JMJD1C: variants seen among roughly 807,000 people sequenced by gnomAD.
The protein encoded by JMJD1C is jumonji domain-containing protein 1C.
JMJD1C carries 31 observed loss-of-function variants against 245.3 expected under a neutral mutation model. The ratio of observed to expected loss-of-function variants is 0.13; its 90% confidence interval spans 0.09 to 0.17. The LOEUF is 0.17. JMJD1C is among the 10% of genes least tolerant of loss of function. JMJD1C has a pLI of 1.00. For synonymous variants in JMJD1C, 1,057 were observed against 1,017.4 expected, an observed-to-expected ratio of 1.04 and a Z score of -0.74; for missense variants, 2,691 against 3,000.2, an observed-to-expected ratio of 0.90 and a Z score of 2.41.
intron 1 of JMJD1C, among the ~76,000 whole-genome samples, chr10:63,455,186 A>G (rs1952332040): frequency 6.6e-6 from 1 of 152,246 alleles, no homozygotes. Flanking sequence ...GAGATTATTC[A>G]AAATATACTT....
In JMJD1C at chr10:63,445,862, A is replaced by ATTTTT. The variant is rs56316223; in HGVS notation, c.168+19628_168+19632dup. On this transcript the variant is annotated intron_variant, in intron 1 of 25. Transcript: ENST00000399262. ...AAAAATGACATGTGCTGGGATCTGAATTTTTTTTTTTTTTTTTTTTTTTTT... is the reference window on the plus strand; with the variant it reads ...AAAAATGACATGTGCTGGGATCTGAATTTTTTTTTTTTTTTTTTTTTTTTTTTTTT... Among the ~76,000 whole-genome samples, 34 of 75,770 alleles carry ATTTTT rather than the reference A, an allele frequency of 4.5e-4. 1 individual carries two copies. Among genetic ancestry groups the ATTTTT allele is most frequent in the African/African-American group, 1.5e-3 (23 of 15,776 alleles). 49.7% of individuals were successfully genotyped at this position (75,770 alleles called of 152,430 possible). A position where few individuals can be genotyped will look rare whatever the true frequency, so the allele number is the denominator to read the frequency against.
chr10:63,228,000 C>T (rs190330775), intron 3 of JMJD1C, among the ~76,000 whole-genome samples: 20 of 152,232 alleles, frequency 1.3e-4, no homozygotes, highest in African/African-American at 4.6e-4. Flanking sequence ...TTGAAAGTTG[C>T]TACAGGGGTG....
At chr10:63,193,542 CAAT>C (rs2133013099) in intron 14 of JMJD1C, 70 bp from the exon 15 acceptor site, 1 of 1,069,656 alleles carries the variant, frequency 9.3e-7, no homozygotes, top group East Asian at 2.6e-5. Context: ...TTTTTTCTTA[CAAT>C]ATTTTGTATT....
At chr10:63,465,469 G>A (rs778912748) in intron 1 of JMJD1C, 26 bp downstream of exon 1, 11 of 1,575,456 alleles carry the variant, frequency 7.0e-6, no homozygotes, top group Non-Finnish European at 9.4e-6. Flanking sequence ...CGCGGCAGGG[G>A]AAAAGGGGGG....
intron 1 of JMJD1C, among the ~76,000 whole-genome samples, chr10:63,429,620 T>C (rs1487892164): frequency 6.6e-6 from 1 of 152,136 alleles, no homozygotes; most frequent in Admixed American, 6.6e-5. Context: ...GCAGGGAAAA[T>C]GTTGTGAGCA....
chr10:63,449,735 G>A (rs1476189967), intron 1 of JMJD1C, among the ~76,000 whole-genome samples: 1 of 151,980 alleles, frequency 6.6e-6, no homozygotes, highest in East Asian at 1.9e-4. Context: ...ATAGCTGGAG[G>A]GATACTACAT....
At chr10:63,303,337 G>A (rs1375852624) in intron 2 of JMJD1C, among the ~76,000 whole-genome samples, 1 of 152,088 alleles carries the variant, frequency 6.6e-6, no homozygotes, top group Non-Finnish European at 1.5e-5. Flanking sequence ...ACGGAGTCTC[G>A]CTCTGTCGCC....
At chr10:63,221,811 T>A (rs1430494902) in intron 3 of JMJD1C, among the ~76,000 whole-genome samples, 1 of 152,236 alleles carries the variant, frequency 6.6e-6, no homozygotes, top group Non-Finnish European at 1.5e-5. Context: ...AACCTCCACC[T>A]CCCAGGTTCA....
chr10:63,214,121 T>G lies in JMJD1C; in HGVS notation c.2046A>C (p.Ser682=). 3 of 1,614,226 alleles carry G rather than the reference T, an allele frequency of 1.9e-6. No homozygotes were observed. The highest frequency in any genetic ancestry group is 2.5e-6 in the Non-Finnish European group (3 of 1,180,040). The change falls in exon 8 of 26, where the codon TCA becomes TCC. Residue 682 remains serine, a synonymous_variant. Transcript: ENST00000399262. ...RLANKIEHEL[S]RCSFHPIPTR... ...TAGGAATTGGATGAAAACTGCATCT[T>G]GATAGCTCATGTTCTATCTTATTTG...
chr10:63,375,974 A>C (rs1244706367), intron 2 of JMJD1C, among the ~76,000 whole-genome samples: 1 of 152,210 alleles, frequency 6.6e-6, no homozygotes, highest in Non-Finnish European at 1.5e-5. Flanking sequence ...AGGGACCCTG[A>C]ATAACCAAAA....
Position 63,200,513 on chromosome 10 carries a change from G to A in JMJD1C, c.5239C>T (p.His1747Tyr). ...TAAAATCTACAAAATACTGGTGAGT[G>A]AGCTGGTTCTTCTCCTTTTTTACTG... Reference protein sequence around the residue: ...IRSKKGEEPAHSPVFCRFYYF... With the variant: ...IRSKKGEEPAYSPVFCRFYYF... Residue 1747 changes from histidine to tyrosine, a missense_variant, in exon 11 of 26, where the codon CAC becomes TAC. Around this residue, in one of 9 missense-constraint regions of JMJD1C, gnomAD observed 139 missense variants for 270.5 expected, o/e 0.51. Transcript: ENST00000399262. 3 of 1,613,890 alleles carry A rather than the reference G, an allele frequency of 1.9e-6. No individual in the cohort carries two copies. Among genetic ancestry groups the A allele is most frequent in the Non-Finnish European group, 1.7e-6 (2 of 1,179,876 alleles).
In JMJD1C at chr10:63,425,163, T is replaced by A. The variant is rs946847595; in HGVS notation, c.168+40332A>T. ...AAAAGATGGGAACCCTGAAGTAAAA[T>A]ATAGGTATAAATACAGATAAAATTT... On this transcript the variant is annotated intron_variant, in intron 1 of 25. Transcript: ENST00000399262. Among the ~76,000 whole-genome samples, 5 of 152,136 alleles carry A rather than the reference T, an allele frequency of 3.3e-5. No individual in the cohort carries two copies. In the East Asian group the frequency reaches 9.6e-4, roughly 29 times the overall value.
chr10:63,401,813 C>T (rs757516367), intron 1 of JMJD1C, among the ~76,000 whole-genome samples: 3 of 151,844 alleles, frequency 2.0e-5, no homozygotes, highest in Admixed American at 2.0e-4. Flanking sequence ...GAAAGCAGAG[C>T]CTTCATGTAT....
At chr10:63,257,094 G>A (rs564730009) in intron 3 of JMJD1C, among the ~76,000 whole-genome samples, 24 of 151,872 alleles carry the variant, frequency 1.6e-4, no homozygotes, top group Admixed American at 1.1e-3. Flanking sequence ...AAAATTAGCC[G>A]GGCGTGGTGG....
chr10:63,427,419 C>T (rs754753172), intron 1 of JMJD1C: 2 of 1,119,158 alleles, frequency 1.8e-6, no homozygotes. Flanking sequence ...ACACAGTACA[C>T]CGGGAGGTGA....
At chr10:63,309,269 G>T (rs1042196946) in intron 2 of JMJD1C, among the ~76,000 whole-genome samples, 1 of 151,876 alleles carries the variant, frequency 6.6e-6, no homozygotes, top group Non-Finnish European at 1.5e-5. Context: ...AAGGAAGGTG[G>T]ATCACCTGAG....
chr10:63,277,292 A>C (rs909393593), intron 2 of JMJD1C, among the ~76,000 whole-genome samples: 4 of 151,618 alleles, frequency 2.6e-5, no homozygotes, highest in Admixed American at 2.0e-4. Context: ...AGCCACCGAG[A>C]CTCCCAGAAG....
At position 63,215,313 on chromosome 10, in the gene JMJD1C, G is replaced by C; in HGVS notation, c.965C>G (p.Pro322Arg). Reference sequence around the variant, plus strand: ...TTCCTCCTTCATCTTCTCTTCATCTGGTATACTGCTATCTGAGCCCTTCCT... The same window carrying C: ...TTCCTCCTTCATCTTCTCTTCATCTCGTATACTGCTATCTGAGCCCTTCCT... ...NKRKGSDSSI[P>R]DEEKMKEEKY... Residue 322 changes from proline to arginine, a missense_variant, in exon 7 of 26, where the codon CCA (proline) becomes CGA (arginine). Pro to Arg is a moderately radical substitution (Grantham distance 103). Coordinates refer to ENST00000399262, the MANE Select transcript of JMJD1C (RefSeq NM_032776.3). The C allele has an allele frequency of 6.2e-7, 1 of 1,613,316 alleles. No individual in the cohort carries two copies. Among genetic ancestry groups the C allele is most frequent in the Non-Finnish European group, 8.5e-7 (1 of 1,179,872 alleles).
intron 2 of JMJD1C, among the ~76,000 whole-genome samples, chr10:63,337,462 G>GC (rs1455867287): frequency 2.6e-5 from 2 of 75,902 alleles, no homozygotes; most frequent in Non-Finnish European, 5.2e-5. Flanking sequence ...AAGGCGGGGG[G>GC]GGGGGAGGGA....
Sources: gnomAD v4.1 joint callset for allele counts (sites outside exome capture counted in the v4.1 genomes callset) on GRCh38, gnomAD v4.1.1 for gene constraint, gnomAD v4.1.1 regional missense constraint, MANE v1.5 for transcripts, NCBI Gene and HGNC (gene_info 2026-07-23, HGNC 2026-07-21) for gene names.